The following PTCHD4 variants were observed in gnomAD, a reference collection of about 807,000 sequenced individuals.
PTCHD4 encodes the protein patched domain containing 4.
Under a neutral mutation model 58.1 loss-of-function variants are expected in PTCHD4, and 33 were observed. That is an observed-to-expected ratio of 0.57 (90% confidence interval 0.43 to 0.76). PTCHD4 has a LOEUF of 0.76. Among genes scored for constraint, PTCHD4 ranks in the 30% least tolerant of loss-of-function variants. The pLI is 0.00. For missense variants in PTCHD4, 1,058 were observed against 1,027.1 expected, an observed-to-expected ratio of 1.03 and a Z score of -0.41; for synonymous variants, 478 against 409.6, an observed-to-expected ratio of 1.17 and a Z score of -2.02.
intron 4 of PTCHD4, among the ~76,000 whole-genome samples, chr6:47,889,547 G>A (rs1561941183): frequency 6.6e-6 from 1 of 152,000 alleles, no homozygotes; most frequent in Non-Finnish European, 1.5e-5. Context: ...GTAGATTCTG[G>A]ATATTATCTA....
At chr6:47,998,370 T>A (rs1561997806) in intron 4 of PTCHD4, among the ~76,000 whole-genome samples, 1 of 152,170 alleles carries the variant, frequency 6.6e-6, no homozygotes, top group African/African-American at 2.4e-5. Context: ...GAGCAGCACA[T>A]ATTGAACAAC....
intron 3 of PTCHD4, among the ~76,000 whole-genome samples, chr6:48,067,608 C>T (rs1375497536): frequency 6.6e-6 from 1 of 152,130 alleles, no homozygotes. Flanking sequence ...AAACTCCCCA[C>T]ATGTTAACAA....
At chr6:47,992,294 CAT>C (rs995908178) in intron 4 of PTCHD4, among the ~76,000 whole-genome samples, 14 of 151,890 alleles carry the variant, frequency 9.2e-5, no homozygotes, top group South Asian at 2.1e-4. Context: ...CACACGTGAA[CAT>C]ATATATATAC....
intron 4 of PTCHD4, among the ~76,000 whole-genome samples, chr6:47,951,592 T>C (rs1279836128): frequency 6.6e-6 from 1 of 152,176 alleles, no homozygotes; most frequent in Non-Finnish European, 1.5e-5. Flanking sequence ...ACTGAATAAC[T>C]GAAGACAGGC....
At chr6:47,944,017 C>T (rs139520016) in intron 4 of PTCHD4, among the ~76,000 whole-genome samples, 4,814 of 152,108 alleles carry the variant, frequency 0.032, 119 homozygotes, top group Non-Finnish European at 0.043. Context: ...TCTACTTTTG[C>T]ACACACCATT....
At chr6:48,007,774 A>T (rs941162443) in intron 4 of PTCHD4, among the ~76,000 whole-genome samples, 7 of 152,176 alleles carry the variant, frequency 4.6e-5, no homozygotes, top group African/African-American at 1.4e-4. Context: ...CACTACACAT[A>T]GGGAATTACA....
Position 47,878,854 on chromosome 6 carries a change from C to A in PTCHD4, c.1981G>T (p.Ala661Ser), listed in dbSNP as rs1054197018. 13 of 1,613,630 alleles carry A rather than the reference C, an allele frequency of 8.1e-6. No homozygotes were observed. The highest frequency in any genetic ancestry group is 1.1e-5 in the Non-Finnish European group (13 of 1,179,744). Residue 661 changes from alanine (A) to serine (S), a missense_variant, in exon 5 of 5, where the codon GCA (alanine) becomes TCA (serine). Ala to Ser is a moderately conservative substitution (Grantham distance 99). Transcript: ENST00000339488. ...AACACCAGGAGAACACCAAAGCCTGCAATCAGAACAGGCACTGTGACAGAC... is the reference window on the plus strand; with the variant it reads ...AACACCAGGAGAACACCAAAGCCTGAAATCAGAACAGGCACTGTGACAGAC... ...SLSVTVPVLIAGFGVLLVLIL... is the reference protein window; with the variant it reads ...SLSVTVPVLISGFGVLLVLIL...
At chr6:48,028,725 G>T (rs1256287842) in intron 3 of PTCHD4, among the ~76,000 whole-genome samples, 1 of 151,834 alleles carries the variant, frequency 6.6e-6, no homozygotes, top group Non-Finnish European at 1.5e-5. Context: ...TCATGTTCTT[G>T]ATTATTTAAG....
At chr6:48,002,940 A>G (rs1027958069) in intron 4 of PTCHD4, among the ~76,000 whole-genome samples, 11 of 152,094 alleles carry the variant, frequency 7.2e-5, no homozygotes, top group Non-Finnish European at 1.6e-4. Context: ...CTTAACGGAC[A>G]CAGTTTCTTA....
chr6:47,894,451 A>C (rs1305055960), intron 4 of PTCHD4, among the ~76,000 whole-genome samples: 1 of 152,206 alleles, frequency 6.6e-6, no homozygotes, highest in African/African-American at 2.4e-5. Context: ...TCCCAACTAG[A>C]TAACCTTCAA....
At position 48,028,515 on chromosome 6, in the gene PTCHD4, T is replaced by A. The variant is rs539832277; in HGVS notation, c.418-19401A>T. Among the ~76,000 whole-genome samples, 5 of 152,160 alleles carry A rather than the reference T, an allele frequency of 3.3e-5. No homozygotes were observed. In the East Asian group the frequency reaches 7.7e-4, roughly 24 times the overall value. On this transcript the variant is annotated intron_variant, in intron 3 of 4. Coordinates refer to ENST00000339488, the MANE Select transcript of PTCHD4 (RefSeq NM_001384253.1). ...ATTTATGTTTAAAGAAAGAAAAAAATTTTAAAGACAATATCAAAAGTGCAC... is the reference window on the plus strand; with the variant it reads ...ATTTATGTTTAAAGAAAGAAAAAAAATTTAAAGACAATATCAAAAGTGCAC...
intron 4 of PTCHD4, among the ~76,000 whole-genome samples, chr6:47,886,646 T>TA (rs1457960469): frequency 6.6e-6 from 1 of 151,872 alleles, no homozygotes; most frequent in African/African-American, 2.4e-5. Flanking sequence ...GAATAATGAA[T>TA]AAAAAAAATA....
At chr6:47,929,157 C>T (rs1765726675) in intron 4 of PTCHD4, among the ~76,000 whole-genome samples, 1 of 151,868 alleles carries the variant, frequency 6.6e-6, no homozygotes, top group Non-Finnish European at 1.5e-5. Flanking sequence ...TAAAATCTGT[C>T]TTAGAAACAG....
intron 1 of PTCHD4, among the ~76,000 whole-genome samples, chr6:48,074,915 C>G (rs940341248): frequency 6.6e-5 from 10 of 151,956 alleles, no homozygotes; most frequent in African/African-American, 2.4e-4. Flanking sequence ...AGGAAGGAAG[C>G]CCAATAATAT....
At chr6:48,091,346 A>G (rs1260307426) in intron 1 of PTCHD4, among the ~76,000 whole-genome samples, 2 of 152,136 alleles carry the variant, frequency 1.3e-5, no homozygotes, top group East Asian at 1.9e-4. Flanking sequence ...TAGTAGTAGT[A>G]TTCAAAATAT....
At chr6:48,042,038 AAAAC>A (rs143436421) in intron 3 of PTCHD4, among the ~76,000 whole-genome samples, 95 of 152,222 alleles carry the variant, frequency 6.2e-4, no homozygotes, top group African/African-American at 2.2e-3. Flanking sequence ...ATAACTGCAG[AAAAC>A]AAACAGACTA....
chr6:47,921,427 T>C (rs114147893), intron 4 of PTCHD4, among the ~76,000 whole-genome samples: 2,000 of 152,286 alleles, frequency 0.013, 18 homozygotes, highest in South Asian at 0.026. Flanking sequence ...CTTACCCAAA[T>C]ATCCATTTTC....
rs141629864 is a variant in PTCHD4 at position 48,079,970 on chromosome 6, A to ATTTTTTT, written c.-969-10051_-969-10045dup. Among the ~76,000 whole-genome samples the ATTTTTTT allele has an allele frequency of 4.5e-4, 34 of 76,138 alleles. 3 individuals carry two copies. The highest frequency in any genetic ancestry group is 5.7e-4 in the African/African-American group (12 of 21,026). 49.9% of individuals were successfully genotyped at this position (76,138 alleles called of 152,430 possible). A position where few individuals can be genotyped will look rare whatever the true frequency, so the allele number is the denominator to read the frequency against. ...ATTCAAAACCCTGCCCCTTATGATG[A>ATTTTTTT]TTTTTTTTTTTTTTTTTTTTTTTTT... is the stretch of plus-strand genomic sequence containing the variant. On this transcript the variant is annotated intron_variant, in intron 1 of 4. Coordinates refer to ENST00000339488, the MANE Select transcript of PTCHD4 (RefSeq NM_001384253.1).
chr6:48,091,724 G>A (rs1263926306), intron 1 of PTCHD4, among the ~76,000 whole-genome samples: 1 of 142,780 alleles, frequency 7.0e-6, no homozygotes, highest in South Asian at 2.4e-4. Context: ...TCGGCTCACT[G>A]CAATCTCCAC....
Sources: allele counts gnomAD v4.1 joint callset (sites outside exome capture counted in the v4.1 genomes callset), GRCh38; gene constraint gnomAD v4.1.1; transcripts MANE v1.5; gene names NCBI Gene and HGNC (gene_info 2026-07-23, HGNC 2026-07-21).